The following IQANK1 variants were observed in gnomAD, a reference collection of about 807,000 sequenced individuals.
IQANK1 encodes IQ motif and ankyrin repeat containing 1.
In IQANK1, 30 loss-of-function variants were observed where a neutral mutation model predicts 22.6. The ratio of observed to expected loss-of-function variants is 1.33; its 90% CI spans 0.99 to 1.80. The LOEUF (loss-of-function observed/expected upper bound fraction) is 1.80, where lower values mean the gene tolerates loss of function less well. Ranked by LOEUF, IQANK1 falls within the 40% of genes most tolerant of loss-of-function variation. The pLI is 0.00. For missense variants in IQANK1, 275 were observed against 235.2 expected, an observed-to-expected ratio of 1.17 and a Z score of -1.11; for synonymous variants, 122 against 99.6, an observed-to-expected ratio of 1.23 and a Z score of -1.34.
chr8:143,766,916 G>A (rs1478592419), intron 3 of IQANK1, among the ~76,000 whole-genome samples: 1 of 152,154 alleles, frequency 6.6e-6, no homozygotes. Context: ...GTTTCTGATT[G>A]GACCCCACCA....
intron 3 of IQANK1, among the ~76,000 whole-genome samples, chr8:143,740,418 A>T (rs1480811683): frequency 6.6e-6 from 1 of 152,144 alleles, no homozygotes; most frequent in Non-Finnish European, 1.5e-5. Flanking sequence ...CGGCCGCTCA[A>T]ACCTTCCTCC....
rs539088039 is a variant in IQANK1 at position 143,740,273 on chromosome 8, C to T, written c.175+325C>T. On this transcript the variant is annotated intron_variant, in intron 3 of 13. Coordinates refer to ENST00000527139, the MANE Select transcript of IQANK1 (RefSeq NM_001381874.1). The stretch of plus-strand genomic sequence containing the variant: ...GCGGGGGTCGGGGCCGCCTCCATCC[C>T]GGGTCCGCCGCGTCGTGCCCGCCCC... 1.2e-3 allele frequency among the ~76,000 whole-genome samples: 189 copies of T among 152,114 alleles called. 1 individual carries two copies. Among genetic ancestry groups the T allele is most frequent in the African/African-American group, 3.4e-3 (143 of 41,510 alleles).
intron 3 of IQANK1, chr8:143,759,914 T>A (rs1490156286): frequency 2.0e-5 from 3 of 152,228 alleles, no homozygotes; most frequent in African/African-American, 7.2e-5. Context: ...GTTTCTGGGA[T>A]GTCTTTTTAG....
chr8:143,775,738 G>A (rs1554630324), intron 7 of IQANK1, among the ~76,000 whole-genome samples: 1 of 145,004 alleles, frequency 6.9e-6, no homozygotes, highest in African/African-American at 2.6e-5. Flanking sequence ...CTTCAGCCTG[G>A]GCAACAGAGT....
At chr8:143,765,278 AC>A (rs1819464538) in intron 3 of IQANK1, among the ~76,000 whole-genome samples, 1 of 151,336 alleles carries the variant, frequency 6.6e-6, no homozygotes, top group East Asian at 1.9e-4. Flanking sequence ...AATCACTTGA[AC>A]CCTGGAGGCC....
intron 3 of IQANK1, among the ~76,000 whole-genome samples, chr8:143,750,265 T>A (rs1406152930): frequency 6.6e-6 from 1 of 152,188 alleles, no homozygotes; most frequent in Non-Finnish European, 1.5e-5. Context: ...CCCAAAGTGC[T>A]GAGATTACAG....
chr8:143,773,797 G>C (rs894644257), intron 7 of IQANK1, among the ~76,000 whole-genome samples: 1 of 152,356 alleles, frequency 6.6e-6, no homozygotes, highest in East Asian at 1.9e-4. Flanking sequence ...GGCCGAGGCG[G>C]TGGGCTTAGG....
intron 7 of IQANK1, among the ~76,000 whole-genome samples, chr8:143,787,560 G>A (rs940640945): frequency 4.6e-5 from 7 of 152,068 alleles, no homozygotes; most frequent in Admixed American, 1.3e-4. Flanking sequence ...CCTCCCTCCC[G>A]TGCATCTGTG....
intron 3 of IQANK1, among the ~76,000 whole-genome samples, chr8:143,748,522 G>T (rs1554627485): frequency 7.5e-6 from 1 of 132,982 alleles, no homozygotes; most frequent in East Asian, 2.1e-4. Flanking sequence ...TATAAATATA[G>T]ATGATATATA....
At chr8:143,757,725 T>C (rs1445759448) in intron 3 of IQANK1, among the ~76,000 whole-genome samples, 1 of 152,108 alleles carries the variant, frequency 6.6e-6, no homozygotes, top group Non-Finnish European at 1.5e-5. Context: ...CATAGCTCAT[T>C]GCAGCCTAGA....
intron 7 of IQANK1, among the ~76,000 whole-genome samples, chr8:143,782,965 AC>A (rs782643799): frequency 6.6e-6 from 1 of 152,170 alleles, no homozygotes; most frequent in Non-Finnish European, 1.5e-5. Flanking sequence ...TTCTTCTATC[AC>A]AGGCTATATT....
chr8:143,785,075 G>T (rs929885555), intron 7 of IQANK1, among the ~76,000 whole-genome samples: 1 of 151,708 alleles, frequency 6.6e-6, no homozygotes, highest in Non-Finnish European at 1.5e-5. Context: ...ATTTTATTTG[G>T]TTCCAGCTCT....
At chr8:143,786,311 A>G (rs1819888169) in intron 7 of IQANK1, among the ~76,000 whole-genome samples, 1 of 152,210 alleles carries the variant, frequency 6.6e-6, no homozygotes, top group Non-Finnish European at 1.5e-5. Context: ...GATGATTTGA[A>G]GCTAAGCTGA....
Position 143,789,044 on chromosome 8 carries a change from G to A in IQANK1, c.919G>A (p.Glu307Lys), listed in dbSNP as rs146084233. 3.0e-3 allele frequency: 1,214 copies of A among 400,558 alleles called. 6 individuals carry two copies. Among genetic ancestry groups the A allele is most frequent in the Middle Eastern group, 0.012 (19 of 1,602 alleles). The allele number at this position is 400,558 out of a possible 1,614,324, so 24.8% of individuals were successfully genotyped here. A position where few individuals can be genotyped will look rare whatever the true frequency, so the allele number is the denominator to read the frequency against. Residue 307 changes from glutamate to lysine, a missense_variant, in exon 8 of 14, where the codon GAG becomes AAG. By Grantham distance (56) the Glu-to-Lys change is moderately conservative. Coordinates refer to ENST00000527139, the MANE Select transcript of IQANK1 (RefSeq NM_001381874.1). ...GGAGGCCCAGAGGCACAAGGAGGCC[G>A]AGGCTGAGCGGTGTGGAAGGCAGGA... ...AQEAQRHKEA[E>K]AERCGSMTLK... is the part of the protein sequence containing the mutation.
At chr8:143,767,386 T>C (rs763617228) in intron 3 of IQANK1, among the ~76,000 whole-genome samples, 3 of 152,234 alleles carry the variant, frequency 2.0e-5, no homozygotes, top group Non-Finnish European at 4.4e-5. Context: ...AGAGATCTTG[T>C]GTGTATCTTT....
At chr8:143,742,661 T>C in intron 3 of IQANK1, 1 of 455,962 alleles carries the variant, frequency 2.2e-6, no homozygotes, top group Non-Finnish European at 4.4e-6. Context: ...CAGGAAGGTG[T>C]GGCTGAGCCC....
At chr8:143,754,167 G>C (rs1014487394) in intron 3 of IQANK1, among the ~76,000 whole-genome samples, 2 of 152,190 alleles carry the variant, frequency 1.3e-5, no homozygotes, top group African/African-American at 4.8e-5. Flanking sequence ...AGCCCTGGAA[G>C]TCACTTCAGC....
intron 2 of IQANK1, among the ~76,000 whole-genome samples, chr8:143,736,419 A>C (rs1554625694): frequency 1.3e-5 from 2 of 152,086 alleles, no homozygotes; most frequent in Non-Finnish European, 2.9e-5. Flanking sequence ...TGCTGGGATT[A>C]CAGGCTTGAG....
chr8:143,784,611 C>G (rs1554631168), intron 7 of IQANK1, among the ~76,000 whole-genome samples: 1 of 152,176 alleles, frequency 6.6e-6, no homozygotes, highest in East Asian at 1.9e-4. Flanking sequence ...TTTACTTATG[C>G]TACATGTCCA....
Sources: allele counts gnomAD v4.1 joint callset (sites outside exome capture counted in the v4.1 genomes callset), GRCh38; gene constraint gnomAD v4.1.1; transcripts MANE v1.5; gene names NCBI Gene and HGNC (gene_info 2026-07-23, HGNC 2026-07-21).